CDS1: variants seen among roughly 807,000 people sequenced by gnomAD.
CDS1 encodes CDP-diacylglycerol synthase 1.
In CDS1, 41 loss-of-function variants were observed where a neutral mutation model predicts 62.1. The ratio of observed to expected loss-of-function variants is 0.66; its 90% CI spans 0.51 to 0.86. The LOEUF (loss-of-function observed/expected upper bound fraction) is 0.86. Ranked by LOEUF, CDS1 falls within the 40% of genes least tolerant of loss-of-function variation. CDS1 has a pLI of 0.00. For missense variants in CDS1, 470 were observed against 550.1 expected (o/e 0.85, Z 1.46); for synonymous variants, 185 against 192.6 (o/e 0.96, Z 0.32).
At position 84,643,157 on chromosome 4, in the gene CDS1, T is replaced by G; in HGVS notation, c.1152+14T>G. 6.2e-7 allele frequency: 1 copy of G among 1,610,412 alleles called. No homozygotes were observed. Among genetic ancestry groups the G allele is most frequent in the South Asian group, 1.1e-5 (1 of 90,330 alleles). The stretch of plus-strand genomic sequence containing the variant: ...TTCAAAATCAAGGTGTGTGTTTAGA[T>G]TCTTTGTTATATTATTAGAGAATAT... On this transcript the variant is annotated intron_variant, in intron 11 of 12. Coordinates refer to ENST00000295887, the MANE Select transcript of CDS1 (RefSeq NM_001263.4).
chr4:84,589,712 G>T (rs1468408634), intron 1 of CDS1, among the ~76,000 whole-genome samples: 1 of 152,218 alleles, frequency 6.6e-6, no homozygotes, highest in Admixed American at 6.5e-5. Flanking sequence ...GCTTACTGCA[G>T]TGAGGAACAC....
chr4:84,635,226 T>C, intron 7 of CDS1, 38 bp from the exon 8 acceptor site: 1 of 1,158,948 alleles, frequency 8.6e-7, no homozygotes, highest in Non-Finnish European at 1.2e-6. Flanking sequence ...TCAGGTGAAC[T>C]TTTTTCTGCT....
At chr4:84,586,169 G>A (rs1473170428) in intron 1 of CDS1, among the ~76,000 whole-genome samples, 1 of 152,172 alleles carries the variant, frequency 6.6e-6, no homozygotes, top group Non-Finnish European at 1.5e-5. Context: ...TAGAGCAGTG[G>A]TCCCCAAATT....
rs1286256440 is a variant in CDS1 at position 84,649,968 on chromosome 4, C to T, written c.*1282C>T. 6.6e-6 allele frequency: 1 copy of T among 152,196 alleles called. No individual in the cohort carries two copies. The highest frequency in any genetic ancestry group is 1.5e-5 in the Non-Finnish European group (1 of 68,042). The allele number at this position is 152,196 out of a possible 1,614,324, so 9.4% of individuals were successfully genotyped here. A position where few individuals can be genotyped will look rare whatever the true frequency, so the allele number is the denominator to read the frequency against. ...AGCTACTGCTGCTGTGTGCTCTCCACAGCCATATTTATTGTATTAAACAAT... is the reference window on the plus strand; with the variant it reads ...AGCTACTGCTGCTGTGTGCTCTCCATAGCCATATTTATTGTATTAAACAAT... On this transcript the variant is annotated 3_prime_UTR_variant, in exon 13 of 13. Transcript: ENST00000295887.
Position 84,583,539 on chromosome 4 carries a change from C to G in CDS1, c.117+21C>G, listed in dbSNP as rs545753771. 2.6e-5 allele frequency: 36 copies of G among 1,401,338 alleles called. 1 individual carries two copies. In the South Asian group the frequency reaches 4.1e-4, roughly 16 times the overall value. The allele number at this position is 1,401,338 out of a possible 1,614,324, so 86.8% of individuals were successfully genotyped here. On this transcript the variant is annotated intron_variant, in intron 1 of 12. Coordinates refer to ENST00000295887, the MANE Select transcript of CDS1 (RefSeq NM_001263.4). ...ACAAAGTAAGTGGAGCCGAGAGAGG[C>G]GGACGCCGCGCCCTGGCTGGGTCCT... is the stretch of plus-strand genomic sequence containing the variant.
At chr4:84,603,206 A>C (rs910260353) in intron 1 of CDS1, among the ~76,000 whole-genome samples, 11 of 152,194 alleles carry the variant, frequency 7.2e-5, no homozygotes, top group Admixed American at 3.3e-4. Flanking sequence ...TGGATTGAGA[A>C]TCCTCAACAT....
At chr4:84,619,625 T>C in intron 5 of CDS1, 92 bp downstream of exon 5, 1 of 719,316 alleles carries the variant, frequency 1.4e-6, no homozygotes. Context: ...ATTTTTTGGT[T>C]AAATTTTATT....
chr4:84,638,847 TTATA>T (rs3840105), intron 8 of CDS1, 73 bp from the exon 9 acceptor site: 751 of 298,302 alleles, frequency 2.5e-3, no homozygotes, highest in Middle Eastern at 4.2e-3. Flanking sequence ...AGGAAATAGT[TTATA>T]TATATATATA....
rs1228859146 is a variant in CDS1, at chr4:84,583,529, C to T, written c.117+11C>T. On this transcript the variant is annotated intron_variant, in intron 1 of 12. Transcript: ENST00000295887. Reference sequence around the variant, plus strand: ...AGCACCAGCGACAAAGTAAGTGGAGCCGAGAGAGGCGGACGCCGCGCCCTG... The same window carrying T: ...AGCACCAGCGACAAAGTAAGTGGAGTCGAGAGAGGCGGACGCCGCGCCCTG... 6.8e-7 allele frequency: 1 copy of T among 1,468,870 alleles called. No homozygotes were observed. Among genetic ancestry groups the T allele is most frequent in the Non-Finnish European group, 9.1e-7 (1 of 1,095,440 alleles). 91.0% of individuals were successfully genotyped at this position (1,468,870 alleles called of 1,614,324 possible). A position where few individuals can be genotyped will look rare whatever the true frequency, so the allele number is the denominator to read the frequency against.
At chr4:84,622,213 T>A (rs1054177902) in intron 5 of CDS1, among the ~76,000 whole-genome samples, 4 of 152,180 alleles carry the variant, frequency 2.6e-5, no homozygotes, top group African/African-American at 9.7e-5. Flanking sequence ...TTGATGATAA[T>A]ACCAACAGTC....
In CDS1 at chr4:84,617,544, A is replaced by G. The variant is rs1391602845; in HGVS notation, c.343-20A>G. The G allele has an allele frequency of 8.3e-7, 1 of 1,206,720 alleles. No homozygotes were observed. The highest frequency in any genetic ancestry group is 1.5e-5 in the African/African-American group (1 of 67,120). The allele number at this position is 1,206,720 out of a possible 1,614,324, so 74.8% of individuals were successfully genotyped here. On this transcript the variant is annotated intron_variant, in intron 3 of 12. Coordinates refer to ENST00000295887, the MANE Select transcript of CDS1 (RefSeq NM_001263.4). ...TGTAAACATTGAGAAATGTATGTTA[A>G]TGTTTTCTCTTGGTTTCAGGTTCTG...
intron 1 of CDS1, among the ~76,000 whole-genome samples, chr4:84,593,506 G>GTTTTTTTTT (rs34657842): frequency 6.7e-6 from 1 of 149,106 alleles, no homozygotes. Context: ...GGTTTTTTTT[G>GTTTTTTTTT]TTTTTTTTTT....
intron 1 of CDS1, among the ~76,000 whole-genome samples, chr4:84,601,811 G>C (rs1306545311): frequency 2.0e-5 from 3 of 152,082 alleles, no homozygotes; most frequent in Non-Finnish European, 2.9e-5. Context: ...AACACGGGAG[G>C]CTGAGGCAGG....
rs956912073 is a variant in CDS1 at position 84,605,692 on chromosome 4, G to A, written c.245+1322G>A. Among the ~76,000 whole-genome samples, 4 of 152,212 alleles carry A rather than the reference G, an allele frequency of 2.6e-5. No individual in the cohort carries two copies. In the South Asian group the frequency reaches 8.3e-4, roughly 32 times the overall value. On this transcript the variant is annotated intron_variant, in intron 2 of 12. Coordinates refer to ENST00000295887, the MANE Select transcript of CDS1 (RefSeq NM_001263.4). The stretch of plus-strand genomic sequence containing the variant: ...GTTCTGTAAGAATGATGCCAGATTT[G>A]TGTGTGTCATTCATAATAAGATCTT...
At chr4:84,619,761 G>A (rs938941190) in intron 5 of CDS1, among the ~76,000 whole-genome samples, 1 of 151,840 alleles carries the variant, frequency 6.6e-6, no homozygotes, top group Non-Finnish European at 1.5e-5. Context: ...GGCCGGGTGC[G>A]GTGGCTCACT....
At chr4:84,596,714 G>A (rs1722763739) in intron 1 of CDS1, among the ~76,000 whole-genome samples, 1 of 152,140 alleles carries the variant, frequency 6.6e-6, no homozygotes, top group Non-Finnish European at 1.5e-5. Flanking sequence ...TCTTGGTGGG[G>A]GGAGTGGGGA....
intron 2 of CDS1, among the ~76,000 whole-genome samples, chr4:84,605,676 G>C (rs1441433978): frequency 6.6e-6 from 1 of 152,088 alleles, no homozygotes; most frequent in African/African-American, 2.4e-5. Flanking sequence ...TGTTCTGTAA[G>C]AATGATGCCA....
intron 1 of CDS1, among the ~76,000 whole-genome samples, chr4:84,591,707 G>A (rs1221174334): frequency 6.6e-6 from 1 of 152,184 alleles, no homozygotes; most frequent in Non-Finnish European, 1.5e-5. Flanking sequence ...GAATTTGACA[G>A]CCTAAATGCC....
At chr4:84,635,617 GCCTGCCTGCCTTCCTTCCTTCCTTCCTT>G (rs1724166376) in intron 8 of CDS1, among the ~76,000 whole-genome samples, 1 of 91,598 alleles carries the variant, frequency 1.1e-5, no homozygotes, top group African/African-American at 4.3e-5. Flanking sequence ...CTGCCTGCCT[GCCTGCCTGCCTTCCTTCCTTCCTTCCTT>G]CCTTCCTTCC....
Sources: gnomAD v4.1 joint callset for allele counts (sites outside exome capture counted in the v4.1 genomes callset) on GRCh38, gnomAD v4.1.1 for gene constraint, MANE v1.5 for transcripts, NCBI Gene and HGNC (gene_info 2026-07-23, HGNC 2026-07-21) for gene names.